KIF26B: variants seen among roughly 807,000 people sequenced by gnomAD.
KIF26B encodes kinesin family member 26B.
A neutral mutation model predicts 151.2 loss-of-function variants in KIF26B; 63 were observed. The observed-to-expected ratio is 0.42, with a 90% CI of 0.34 to 0.51. The LOEUF is 0.51. KIF26B is among the 20% of genes least tolerant of loss of function. The pLI, the probability that KIF26B is intolerant of heterozygous loss-of-function variation, is 0.07. For missense variants in KIF26B, 2,813 were observed against 2,913.6 expected, an observed-to-expected ratio of 0.97 and a Z score of 0.79; for synonymous variants, 1,357 against 1,262.1, an observed-to-expected ratio of 1.08 and a Z score of -1.59.
chr1:245,688,585 G>C lies in KIF26B; in HGVS notation c.5602G>C (p.Gly1868Arg). 6.4e-7 allele frequency: 1 copy of C among 1,572,986 alleles called. No homozygotes were observed. The highest frequency in any genetic ancestry group is 8.6e-7 in the Non-Finnish European group (1 of 1,162,592). ...RRPHRCSSGHGSDNSSVLSGE... is the reference protein window; with the variant it reads ...RRPHRCSSGHRSDNSSVLSGE... ...GCCCCACCGCTGCAGCAGCGGCCAC[G>C]GCAGCGACAACAGCAGCGTGCTGAG... The change falls in exon 12 of 15, where the codon GGC becomes CGC. Residue 1868 changes from glycine (G) to arginine (R), a missense_variant. Gly to Arg is a moderately radical substitution (Grantham distance 125). Around this residue, in one of 3 missense-constraint regions of KIF26B, gnomAD observed 2,060 missense variants for 2,088.6 expected, o/e 0.99. Transcript: ENST00000407071.
intron 11 of KIF26B, 81 bp downstream of exon 11, chr1:245,684,476 A>G (rs976123667): frequency 5.8e-6 from 8 of 1,386,248 alleles, no homozygotes; most frequent in African/African-American, 1.5e-5. Flanking sequence ...GAAAAAGCCA[A>G]ATCAACGTTG....
chr1:245,335,874 A>G (rs1194674119), intron 2 of KIF26B, among the ~76,000 whole-genome samples: 1 of 139,172 alleles, frequency 7.2e-6, no homozygotes. Context: ...GGTCCCACGA[A>G]GGGAAAGGAG....
chr1:245,568,763 T>G (rs1455225552), intron 5 of KIF26B, among the ~76,000 whole-genome samples: 1 of 152,176 alleles, frequency 6.6e-6, no homozygotes, highest in African/African-American at 2.4e-5. Context: ...CTTCATTTAG[T>G]GTCACAGCAA....
At position 245,512,305 on chromosome 1, in the gene KIF26B, T is replaced by C. The variant is rs988034408; in HGVS notation, c.1167-28462T>C. ...CTGCCTGTTTCCCAGCCCCCATCCT[T>C]CTCTCTGAGTCTTGGAACATCATGA... On this transcript the variant is annotated intron_variant, in intron 4 of 14. Transcript: ENST00000407071. This position sits in a 1 kb window ranked among gnomAD's most constrained non-coding sequence, Gnocchi z 4.3. 6.6e-6 allele frequency among the ~76,000 whole-genome samples: 1 copy of C among 152,094 alleles called. No homozygotes were observed. The highest frequency in any genetic ancestry group is 2.4e-5 in the African/African-American group (1 of 41,408).
chr1:245,656,294 G>A (rs995180733), intron 10 of KIF26B, among the ~76,000 whole-genome samples: 1 of 152,152 alleles, frequency 6.6e-6, no homozygotes, highest in Admixed American at 6.5e-5. Flanking sequence ...TCCTCCTCGA[G>A]TCCCACTCAT....
At chr1:245,576,015 G>C (rs2043114966) in intron 5 of KIF26B, among the ~76,000 whole-genome samples, 1 of 152,118 alleles carries the variant, frequency 6.6e-6, no homozygotes, top group Middle Eastern at 3.2e-3. Context: ...CTCCTGCAAA[G>C]GTTTTTAGAG....
At chr1:245,425,570 C>A (rs12410543) in intron 4 of KIF26B, among the ~76,000 whole-genome samples, 41 of 152,224 alleles carry the variant, frequency 2.7e-4, no homozygotes, top group African/African-American at 9.4e-4. Flanking sequence ...CCACACCCGG[C>A]TAATTTTTGT....
At chr1:245,505,454 T>C (rs1360739635) in intron 4 of KIF26B, among the ~76,000 whole-genome samples, 3 of 152,122 alleles carry the variant, frequency 2.0e-5, no homozygotes, top group Admixed American at 6.5e-5. Flanking sequence ...GGCACAATCT[T>C]GGCTCATTGC....
intron 4 of KIF26B, among the ~76,000 whole-genome samples, chr1:245,519,201 T>C (rs1661033501): frequency 6.6e-6 from 1 of 152,228 alleles, no homozygotes; most frequent in South Asian, 2.1e-4. Flanking sequence ...TTATACAGTC[T>C]CATTTGTTTT....
intron 2 of KIF26B, among the ~76,000 whole-genome samples, chr1:245,304,200 A>G (rs1364509734): frequency 6.6e-6 from 1 of 152,200 alleles, no homozygotes; most frequent in East Asian, 1.9e-4. Context: ...GATGGATTCC[A>G]GTCTCATTCT....
intron 4 of KIF26B, among the ~76,000 whole-genome samples, chr1:245,467,268 C>T (rs892915084): frequency 6.6e-6 from 1 of 152,200 alleles, no homozygotes; most frequent in Non-Finnish European, 1.5e-5. Flanking sequence ...AAAAAAGTGG[C>T]ACCAAGATGA....
intron 4 of KIF26B, among the ~76,000 whole-genome samples, chr1:245,492,692 C>A (rs1228624779): frequency 6.6e-6 from 1 of 152,212 alleles, no homozygotes; most frequent in African/African-American, 2.4e-5. Flanking sequence ...ATATCATTAG[C>A]CTCCCATAGT....
chr1:245,232,840 G>A (rs747918620), intron 2 of KIF26B, among the ~76,000 whole-genome samples: 9 of 152,182 alleles, frequency 5.9e-5, no homozygotes, highest in African/African-American at 9.7e-5. Flanking sequence ...ATGAGCCATC[G>A]CACCCGGCGG....
intron 4 of KIF26B, among the ~76,000 whole-genome samples, chr1:245,478,398 C>T (rs1021167519): frequency 6.7e-6 from 1 of 149,384 alleles, no homozygotes; most frequent in Non-Finnish European, 1.5e-5. Flanking sequence ...AAATGGGAAC[C>T]ATCGCAGTGT....
At position 245,167,130 on chromosome 1, in the gene KIF26B, G is replaced by A. The variant is rs145742331; in HGVS notation, c.465+10447G>A. ...GGAACAAATTTTAGCTCTCCACACA[G>A]CATGGTTCTAAAATCTTTGATGGTT... On this transcript the variant is annotated intron_variant, in intron 2 of 14. Coordinates refer to ENST00000407071, the MANE Select transcript of KIF26B (RefSeq NM_018012.4). The surrounding 1 kb of genome is among the most constrained non-coding windows in gnomAD (Gnocchi z 4.2). 0.011 allele frequency among the ~76,000 whole-genome samples: 1,608 copies of A among 151,814 alleles called. 22 individuals are homozygous for A. The highest frequency in any genetic ancestry group is 0.037 in the African/African-American group (1,516 of 41,390).
intron 2 of KIF26B, among the ~76,000 whole-genome samples, chr1:245,180,774 C>T (rs145379112): frequency 1.3e-5 from 2 of 152,252 alleles, no homozygotes; most frequent in Admixed American, 6.5e-5. Context: ...GACATTCATA[C>T]ACTTGTTCGT....
intron 5 of KIF26B, among the ~76,000 whole-genome samples, chr1:245,555,721 C>G (rs1220186187): frequency 6.6e-6 from 1 of 152,094 alleles, no homozygotes; most frequent in Non-Finnish European, 1.5e-5. Flanking sequence ...CCAGGTTACA[C>G]AGAGCATGTC....
intron 2 of KIF26B, among the ~76,000 whole-genome samples, chr1:245,325,749 C>A (rs1006641757): frequency 1.3e-5 from 2 of 152,052 alleles, no homozygotes; most frequent in Non-Finnish European, 1.5e-5. Flanking sequence ...TTTCATCCAG[C>A]CTTCTGATTC....
intron 4 of KIF26B, among the ~76,000 whole-genome samples, chr1:245,499,991 C>T (rs148407781): frequency 9.8e-5 from 15 of 152,336 alleles, no homozygotes; most frequent in Middle Eastern, 3.4e-3. Context: ...CTCTGACTTC[C>T]AATGCGCACT....
Sources: gnomAD v4.1 joint callset for allele counts (sites outside exome capture counted in the v4.1 genomes callset) on GRCh38, gnomAD v4.1.1 for gene constraint, gnomAD v4.1.1 regional missense constraint, Gnocchi (gnomAD v3.1) non-coding constraint, MANE v1.5 for transcripts, NCBI Gene and HGNC (gene_info 2026-07-23, HGNC 2026-07-21) for gene names.